The following SEPTIN7 variants were observed in gnomAD, a reference collection of about 807,000 sequenced individuals.
SEPTIN7 encodes the protein septin 7.
In SEPTIN7, 10 loss-of-function variants were observed where a neutral mutation model predicts 63.3. The observed-to-expected ratio is 0.16, with a 90% CI of 0.10 to 0.27. The LOEUF (loss-of-function observed/expected upper bound fraction) is 0.27, where lower values mean the gene tolerates loss of function less well. Ranked by LOEUF, SEPTIN7 falls within the 10% of genes least tolerant of loss-of-function variation. SEPTIN7 has a pLI of 1.00. For missense variants in SEPTIN7, 310 were observed against 521.0 expected (o/e 0.59, Z 3.94); for synonymous variants, 131 against 165.3 (o/e 0.79, Z 1.59).
intron 3 of SEPTIN7, among the ~76,000 whole-genome samples, chr7:35,841,406 A>G (rs1784401093): frequency 6.6e-6 from 1 of 152,236 alleles, no homozygotes. Flanking sequence ...TGCTTCTCAT[A>G]CATATACTAT....
chr7:35,880,868 CTAATT>C (rs1239845981), intron 7 of SEPTIN7, among the ~76,000 whole-genome samples: 6 of 152,022 alleles, frequency 3.9e-5, no homozygotes, highest in Non-Finnish European at 8.8e-5. Context: ...ACACATATTT[CTAATT>C]TAATTGTGTT....
chr7:35,810,483 C>T (rs890081423), intron 1 of SEPTIN7, among the ~76,000 whole-genome samples: 1 of 152,016 alleles, frequency 6.6e-6, no homozygotes, highest in Non-Finnish European at 1.5e-5. Flanking sequence ...GCCACCACAC[C>T]TGGCTAATTT....
intron 3 of SEPTIN7, among the ~76,000 whole-genome samples, chr7:35,861,143 C>T (rs191721901): frequency 6.6e-6 from 1 of 152,184 alleles, no homozygotes; most frequent in Admixed American, 6.5e-5. Context: ...TTCAGCTCTA[C>T]AGTTTGTTTT....
chr7:35,811,603 G>A (rs1412586614), intron 1 of SEPTIN7, among the ~76,000 whole-genome samples: 4 of 152,138 alleles, frequency 2.6e-5, no homozygotes, highest in Non-Finnish European at 5.9e-5. Context: ...ATTAAGAGGC[G>A]GGCATGGTGG....
chr7:35,877,798 A>T (rs1786563829), intron 6 of SEPTIN7, among the ~76,000 whole-genome samples: 1 of 152,204 alleles, frequency 6.6e-6, no homozygotes, highest in Non-Finnish European at 1.5e-5. Context: ...GGTGCTGAGG[A>T]TACAGATAAA....
At chr7:35,802,006 T>TA (rs1313360150) in intron 1 of SEPTIN7, among the ~76,000 whole-genome samples, 1 of 151,928 alleles carries the variant, frequency 6.6e-6, no homozygotes, top group Non-Finnish European at 1.5e-5. Flanking sequence ...AATTTGGGCT[T>TA]AATTTTTAGG....
chr7:35,817,973 A>G (rs1194525498), intron 1 of SEPTIN7, among the ~76,000 whole-genome samples: 1 of 151,822 alleles, frequency 6.6e-6, no homozygotes, highest in East Asian at 1.9e-4. Context: ...TTTACAATCT[A>G]GATACATTTT....
At chr7:35,838,017 C>A (rs1784165514) in intron 3 of SEPTIN7, among the ~76,000 whole-genome samples, 1 of 151,932 alleles carries the variant, frequency 6.6e-6, no homozygotes. Flanking sequence ...GTGTGAGCCA[C>A]CACACCTGGC....
chr7:35,801,941 C>T (rs1024068852), intron 1 of SEPTIN7, among the ~76,000 whole-genome samples: 22 of 152,128 alleles, frequency 1.4e-4, no homozygotes, highest in Admixed American at 1.2e-3. Context: ...CCCGGAAGGC[C>T]GGTGGATGGC....
chr7:35,884,622 C>T (rs1340465660), intron 9 of SEPTIN7, among the ~76,000 whole-genome samples: 1 of 152,118 alleles, frequency 6.6e-6, no homozygotes, highest in Non-Finnish European at 1.5e-5. Flanking sequence ...TTTATCGGAA[C>T]GTCAGATGGT....
At chr7:35,874,503 G>A (rs1225620397) in intron 6 of SEPTIN7, among the ~76,000 whole-genome samples, 6 of 152,018 alleles carry the variant, frequency 3.9e-5, no homozygotes, top group Non-Finnish European at 8.8e-5. Context: ...AAGTAACTCA[G>A]TATATATAAT....
In SEPTIN7 at chr7:35,904,459, GC is replaced by G. The variant is rs770032568; in HGVS notation, c.*168del. 1.2e-4 allele frequency: 62 copies of G among 504,274 alleles called. No individual in the cohort carries two copies. Among genetic ancestry groups the G allele is most frequent in the Non-Finnish European group, 2.0e-4 (57 of 291,242 alleles). The allele number at this position is 504,274 out of a possible 1,614,324, so 31.2% of individuals were successfully genotyped here. A position where few individuals can be genotyped will look rare whatever the true frequency, so the allele number is the denominator to read the frequency against. Reference sequence around the variant, plus strand: ...TTTTGTTCTTGATGGAGATTAAGATGCCTTGAATTGTCTAGGGTGTTCTGTA... The same window carrying G: ...TTTTGTTCTTGATGGAGATTAAGATGCTTGAATTGTCTAGGGTGTTCTGTA... On this transcript the variant is annotated 3_prime_UTR_variant, in exon 14 of 14. Coordinates refer to ENST00000350320, the MANE Select transcript of SEPTIN7 (RefSeq NM_001788.6).
At chr7:35,801,348 G>C in intron 1 of SEPTIN7, 78 bp downstream of exon 1, 1 of 1,490,298 alleles carries the variant, frequency 6.7e-7, no homozygotes, top group Non-Finnish European at 8.9e-7. Flanking sequence ...GCTGGACCGA[G>C]CTAGGGAACG....
intron 1 of SEPTIN7, among the ~76,000 whole-genome samples, chr7:35,814,049 A>G (rs1379132444): frequency 6.6e-6 from 1 of 152,198 alleles, no homozygotes; most frequent in African/African-American, 2.4e-5. Context: ...TCACTGGGGA[A>G]ACTGTTAAAA....
At chr7:35,877,609 T>C (rs1229477894) in intron 6 of SEPTIN7, among the ~76,000 whole-genome samples, 4 of 152,344 alleles carry the variant, frequency 2.6e-5, no homozygotes, top group Middle Eastern at 3.4e-3. Flanking sequence ...CTTTGCAAAA[T>C]ATTTCTAGTA....
intron 4 of SEPTIN7, among the ~76,000 whole-genome samples, chr7:35,864,789 G>C (rs1227153613): frequency 1.3e-5 from 2 of 152,154 alleles, no homozygotes; most frequent in East Asian, 3.8e-4. Context: ...GAGCAGAGAG[G>C]AGGCAAGTGA....
At chr7:35,888,717 G>C (rs1274625355) in intron 10 of SEPTIN7, 1 of 206,060 alleles carries the variant, frequency 4.9e-6, no homozygotes, top group African/African-American at 2.3e-5. Context: ...CTACTCAGGA[G>C]GCTGAGGTGG....
chr7:35,898,509 A>C (rs1788093086), intron 12 of SEPTIN7, 126 bp downstream of exon 12: 2 of 578,410 alleles, frequency 3.5e-6, no homozygotes, highest in Admixed American at 6.2e-5. Context: ...CCCTAGTGTA[A>C]CAAAACGGAT....
At chr7:35,889,205 C>G (rs1319517896) in intron 10 of SEPTIN7, among the ~76,000 whole-genome samples, 1 of 152,220 alleles carries the variant, frequency 6.6e-6, no homozygotes, top group Non-Finnish European at 1.5e-5. Context: ...GACAAATTAG[C>G]ATGAACTGTT....
Sources: allele counts gnomAD v4.1 joint callset (sites outside exome capture counted in the v4.1 genomes callset), GRCh38; gene constraint gnomAD v4.1.1; transcripts MANE v1.5; gene names NCBI Gene and HGNC (gene_info 2026-07-23, HGNC 2026-07-21).